The following MALRD1 variants were observed in gnomAD, a reference collection of about 807,000 sequenced individuals.
The protein encoded by MALRD1 is MAM and LDL receptor class A domain containing 1.
A neutral mutation model predicts 242.1 loss-of-function variants in MALRD1; 247 were observed. The ratio of observed to expected loss-of-function variants is 1.02; its 90% CI spans 0.92 to 1.13. The LOEUF is 1.13. Ranked by LOEUF, MALRD1 falls within the 50% of genes most tolerant of loss-of-function variation. MALRD1 has a pLI of 0.00. For missense variants in MALRD1, 2,989 were observed against 2,533.1 expected, an observed-to-expected ratio of 1.18 and a Z score of -3.86; for synonymous variants, 995 against 866.6, an observed-to-expected ratio of 1.15 and a Z score of -2.60.
intron 29 of MALRD1, among the ~76,000 whole-genome samples, chr10:19,483,222 A>G (rs1837091275): frequency 2.0e-5 from 3 of 151,230 alleles, no homozygotes; most frequent in South Asian, 2.1e-4. Flanking sequence ...AAAAAAACCT[A>G]GGAAACACCA....
intron 21 of MALRD1, among the ~76,000 whole-genome samples, chr10:19,323,587 A>G (rs1044178572): frequency 5.3e-5 from 8 of 152,160 alleles, no homozygotes; most frequent in Admixed American, 6.6e-5. Context: ...ATGGTTAGTG[A>G]CAAACTGTAC....
chr10:19,467,677 A>G (rs1836288390), intron 29 of MALRD1, among the ~76,000 whole-genome samples: 3 of 121,160 alleles, frequency 2.5e-5, no homozygotes, highest in Admixed American at 1.9e-4. Context: ...AAAATAATGT[A>G]CCATAAGGCT....
chr10:19,541,849 T>C (rs1834987841), intron 32 of MALRD1, among the ~76,000 whole-genome samples: 1 of 152,226 alleles, frequency 6.6e-6, no homozygotes, highest in African/African-American at 2.4e-5. Flanking sequence ...TAAAATGTGC[T>C]ATGTATCTTC....
At chr10:19,614,616 A>G (rs971375000) in intron 35 of MALRD1, among the ~76,000 whole-genome samples, 1 of 152,066 alleles carries the variant, frequency 6.6e-6, no homozygotes, top group Non-Finnish European at 1.5e-5. Context: ...GAGGCAGTTC[A>G]TATGAACACA....
chr10:19,674,024 G>T (rs1271869014), intron 36 of MALRD1, among the ~76,000 whole-genome samples: 3 of 152,108 alleles, frequency 2.0e-5, no homozygotes, highest in Non-Finnish European at 4.4e-5. Flanking sequence ...GGGAAGAGAT[G>T]ATGGCAGTGG....
At chr10:19,175,641 A>G (rs1208081710) in intron 14 of MALRD1, among the ~76,000 whole-genome samples, 1 of 151,746 alleles carries the variant, frequency 6.6e-6, no homozygotes, top group Non-Finnish European at 1.5e-5. Context: ...ACACTTTTAT[A>G]AATATTCACT....
At chr10:19,384,710 T>G (rs1286395851) in intron 26 of MALRD1, among the ~76,000 whole-genome samples, 8 of 140,566 alleles carry the variant, frequency 5.7e-5, no homozygotes, top group African/African-American at 2.1e-4. Flanking sequence ...TACTATATAA[T>G]ATATATAATT....
intron 36 of MALRD1, among the ~76,000 whole-genome samples, chr10:19,683,402 C>T (rs1481519860): frequency 6.6e-6 from 1 of 152,192 alleles, no homozygotes; most frequent in Non-Finnish European, 1.5e-5. Context: ...TTACAGTCTA[C>T]AATGTATTTT....
intron 26 of MALRD1, among the ~76,000 whole-genome samples, chr10:19,355,312 A>G (rs1165611474): frequency 6.6e-6 from 1 of 152,164 alleles, no homozygotes; most frequent in African/African-American, 2.4e-5. Flanking sequence ...CTCAAAATGA[A>G]CCTACATTGA....
chr10:19,113,369 G>T (rs1405315981), intron 5 of MALRD1, among the ~76,000 whole-genome samples: 4 of 152,068 alleles, frequency 2.6e-5, no homozygotes, highest in Non-Finnish European at 5.9e-5. Context: ...GCAACGCAGT[G>T]TCCTCTAATT....
intron 38 of MALRD1, among the ~76,000 whole-genome samples, chr10:19,717,137 A>G (rs1834428596): frequency 6.6e-6 from 1 of 152,196 alleles, no homozygotes; most frequent in Admixed American, 6.5e-5. Context: ...GTAAAGAACC[A>G]TAGTTTTTCT....
intron 38 of MALRD1, among the ~76,000 whole-genome samples, chr10:19,705,698 C>T (rs1255194792): frequency 1.3e-5 from 2 of 151,320 alleles, no homozygotes; most frequent in East Asian, 1.9e-4. Flanking sequence ...TATTCCTCCT[C>T]CTCCTCCTCC....
chr10:19,232,191 A>AT (rs544787706), intron 18 of MALRD1, among the ~76,000 whole-genome samples: 1 of 151,964 alleles, frequency 6.6e-6, no homozygotes, highest in African/African-American at 2.4e-5. Context: ...TGACTCTAGA[A>AT]TTTTTTTGTT....
chr10:19,292,751 G>C (rs987605177), intron 21 of MALRD1, among the ~76,000 whole-genome samples: 2 of 151,900 alleles, frequency 1.3e-5, no homozygotes, highest in African/African-American at 4.8e-5. Context: ...AAATTAGCCG[G>C]GCATGGTGGC....
intron 9 of MALRD1, among the ~76,000 whole-genome samples, chr10:19,135,952 C>A (rs1165926777): frequency 6.6e-6 from 1 of 152,182 alleles, no homozygotes; most frequent in Non-Finnish European, 1.5e-5. Context: ...TTGGTGACAA[C>A]AAAATTTATT....
chr10:19,653,467 AT>A (rs1840983880), intron 36 of MALRD1, among the ~76,000 whole-genome samples: 1 of 152,146 alleles, frequency 6.6e-6, no homozygotes, highest in Non-Finnish European at 1.5e-5. Context: ...CCAAAGCAAG[AT>A]TTTTTGTTTC....
intron 14 of MALRD1, among the ~76,000 whole-genome samples, chr10:19,189,422 C>CA (rs2131581249): frequency 6.6e-6 from 1 of 151,914 alleles, no homozygotes; most frequent in Non-Finnish European, 1.5e-5. Flanking sequence ...CAAATTTTTC[C>CA]AAAAAATTGA....
In MALRD1 at chr10:19,729,721, CTTTTTTTTTTTTTTTT is replaced by C. The variant is rs35279728; in HGVS notation, c.6315-967_6315-952del. On this transcript the variant is annotated intron_variant, in intron 38 of 39. Transcript: ENST00000454679. The stretch of plus-strand genomic sequence containing the variant: ...GTGTCTTCTAATAAGTCTATTAATT[CTTTTTTTTTTTTTTTT>C]TTTTTTTTTTTTTTTTTGAGACGGA... Among the ~76,000 whole-genome samples, 19 of 40,694 alleles carry C rather than the reference CTTTTTTTTTTTTTTTT, an allele frequency of 4.7e-4. 1 individual carries two copies. The highest frequency in any genetic ancestry group is 1.8e-3 in the East Asian group (2 of 1,136). 26.7% of individuals were successfully genotyped at this position (40,694 alleles called of 152,430 possible).
At chr10:19,644,985 C>T (rs576802506) in intron 36 of MALRD1, among the ~76,000 whole-genome samples, 1 of 152,170 alleles carries the variant, frequency 6.6e-6, no homozygotes, top group East Asian at 1.9e-4. Context: ...TAGAATGAAG[C>T]AATTATCTAG....
Sources: gnomAD v4.1 joint callset for allele counts (sites outside exome capture counted in the v4.1 genomes callset) on GRCh38, gnomAD v4.1.1 for gene constraint, MANE v1.5 for transcripts, NCBI Gene and HGNC (gene_info 2026-07-23, HGNC 2026-07-21) for gene names.